Variants in RGS12 observed in about 807,000 individuals in gnomAD.
The protein encoded by RGS12 is regulator of G protein signaling 12, also known as regulator of G-protein signaling 12.
A neutral mutation model predicts 120.1 loss-of-function variants in RGS12; 66 were observed. The ratio of observed to expected loss-of-function variants is 0.55; its 90% CI spans 0.45 to 0.67. The LOEUF (loss-of-function observed/expected upper bound fraction) is 0.67. Ranked by LOEUF, RGS12 falls within the 30% of genes least tolerant of loss-of-function variation. RGS12 has a pLI of 0.00. For missense variants in RGS12, 1,859 were observed against 1,957.7 expected (o/e 0.95, Z 0.95); for synonymous variants, 827 against 804.7 (o/e 1.03, Z -0.47).
chr4:3,423,013 C>T, intron 12 of RGS12, 35 bp downstream of exon 12: 2 of 1,574,800 alleles, frequency 1.3e-6, no homozygotes, highest in Admixed American at 3.3e-5. Flanking sequence ...ACCTGAGGCT[C>T]CCAGAGCCAA....
rs1448555629 is a variant in RGS12 at position 3,372,694 on chromosome 4, A to C, written c.1999-13722A>C. On this transcript the variant is annotated intron_variant, in intron 3 of 17. Transcript: ENST00000336727. This position sits in a 1 kb window ranked among gnomAD's most constrained non-coding sequence, Gnocchi z 4.3. ...GAGAAGAAGTTCTGCAGTGTCAGAC[A>C]CTTGGCAGAAACTTTGTTTCTCAAG... Among the ~76,000 whole-genome samples, 1 of 152,202 alleles carries C rather than the reference A, an allele frequency of 6.6e-6. No individual in the cohort carries two copies. Among genetic ancestry groups the C allele is most frequent in the South Asian group, 2.1e-4 (1 of 4,832 alleles).
At chr4:3,388,169 G>A (rs542443383) in intron 4 of RGS12, among the ~76,000 whole-genome samples, 51 of 151,528 alleles carry the variant, frequency 3.4e-4, no homozygotes, top group African/African-American at 9.9e-4. Flanking sequence ...GGACAGGCCC[G>A]TCCCTCCATG....
At chr4:3,397,430 C>G (rs1308925530) in intron 4 of RGS12, among the ~76,000 whole-genome samples, 1 of 152,172 alleles carries the variant, frequency 6.6e-6, no homozygotes, top group African/African-American at 2.4e-5. Flanking sequence ...ACAGGAAGAA[C>G]CAGGAAAAAG....
intron 1 of RGS12, among the ~76,000 whole-genome samples, chr4:3,295,180 C>T (rs888014403): frequency 6.6e-6 from 1 of 152,016 alleles, no homozygotes. Flanking sequence ...AGCTGGTGAC[C>T]CAGCCGGCCT....
At chr4:3,343,142 T>C in intron 3 of RGS12, 89 bp downstream of exon 3, 1 of 862,888 alleles carries the variant, frequency 1.2e-6, no homozygotes, top group Non-Finnish European at 1.9e-6. Flanking sequence ...GTTTTTTGAG[T>C]CCCTGTGGTC....
intron 1 of RGS12, chr4:3,313,023 G>T (rs983039646): frequency 6.6e-6 from 1 of 152,230 alleles, no homozygotes; most frequent in African/African-American, 2.4e-5. Flanking sequence ...CTGCACTCCA[G>T]TCTGGGCAAT....
chr4:3,428,806 G>A, intron 16 of RGS12, 95 bp downstream of exon 16: 1 of 1,097,516 alleles, frequency 9.1e-7, no homozygotes, highest in Non-Finnish European at 1.3e-6. Flanking sequence ...CAGCATCTGG[G>A]TGACTGCGGT....
intron 14 of RGS12, among the ~76,000 whole-genome samples, chr4:3,425,777 A>G (rs1184791267): frequency 1.1e-4 from 2 of 17,540 alleles, no homozygotes; most frequent in East Asian, 1.5e-3. Context: ...CATAGGGGAG[A>G]GGGTGAGCGG....
chr4:3,415,527 T>C (rs2109112934), intron 6 of RGS12, among the ~76,000 whole-genome samples: 1 of 152,294 alleles, frequency 6.6e-6, no homozygotes. Flanking sequence ...CTCCTGCGCC[T>C]CGTGGGAGGT....
chr4:3,305,618 G>A (rs1723934927), intron 1 of RGS12, among the ~76,000 whole-genome samples: 5 of 152,162 alleles, frequency 3.3e-5, no homozygotes, highest in Admixed American at 3.3e-4. Context: ...TCAAAATGAG[G>A]GAAAATGGAG....
intron 4 of RGS12, among the ~76,000 whole-genome samples, chr4:3,391,395 GCAAA>G: frequency 6.6e-6 from 1 of 152,130 alleles, no homozygotes; most frequent in Non-Finnish European, 1.5e-5. Context: ...ATTTTTTCAA[GCAAA>G]CAAATTCAAA....
chr4:3,414,492 C>T (rs1364537344), intron 5 of RGS12: 17 of 597,324 alleles, frequency 2.8e-5, no homozygotes, highest in Middle Eastern at 4.4e-4. Context: ...CTCTGCAGCC[C>T]GCAGCACTGG....
At chr4:3,427,580 AC>A (rs1343068245) in intron 14 of RGS12, among the ~76,000 whole-genome samples, 1 of 152,192 alleles carries the variant, frequency 6.6e-6, no homozygotes, top group Admixed American at 6.5e-5. Flanking sequence ...TACTAAAAAT[AC>A]AAAAATTAGC....
At position 3,431,308 on chromosome 4, in the gene RGS12, C is replaced by T. The variant is rs557384454; in HGVS notation, c.4114+353C>T. On this transcript the variant is annotated intron_variant, in intron 17 of 17. Coordinates refer to ENST00000336727, the MANE Select transcript of RGS12 (RefSeq NM_001394154.1). The stretch of plus-strand genomic sequence containing the variant: ...GGAGGCATTCCTTTCCAAATCTGGA[C>T]AGCGATCGTTTTTAGTGTTTCTGTC... The T allele has an allele frequency of 2.7e-6, 3 of 1,128,756 alleles. No homozygotes were observed. In the African/African-American group the frequency reaches 4.9e-5, roughly 19 times the overall value. The allele number at this position is 1,128,756 out of a possible 1,614,324, so 69.9% of individuals were successfully genotyped here. A position where few individuals can be genotyped will look rare whatever the true frequency, so the allele number is the denominator to read the frequency against.
intron 1 of RGS12, chr4:3,312,747 A>G (rs1275805492): frequency 1.4e-5 from 3 of 216,310 alleles, no homozygotes; most frequent in Non-Finnish European, 3.2e-5. Flanking sequence ...ACTGGGATGA[A>G]TGTGGAGATG....
intron 1 of RGS12, among the ~76,000 whole-genome samples, chr4:3,302,557 C>A (rs1444295765): frequency 6.6e-6 from 1 of 152,194 alleles, no homozygotes; most frequent in African/African-American, 2.4e-5. Flanking sequence ...TGGTGGGCTC[C>A]GCTCCCCCTG....
At chr4:3,367,455 G>T (rs1716434318) in intron 3 of RGS12, among the ~76,000 whole-genome samples, 1 of 152,246 alleles carries the variant, frequency 6.6e-6, no homozygotes, top group Admixed American at 6.5e-5. Context: ...GGCTGTGCTG[G>T]GCTTCCCGGG....
intron 1 of RGS12, among the ~76,000 whole-genome samples, chr4:3,295,311 A>C (rs114639987): frequency 2.0e-4 from 30 of 152,282 alleles, no homozygotes; most frequent in African/African-American, 7.2e-4. Flanking sequence ...GGTTGACAGT[A>C]TGTGGATCAC....
At chr4:3,294,584 G>C (rs951119667) in intron 1 of RGS12, among the ~76,000 whole-genome samples, 2 of 152,236 alleles carry the variant, frequency 1.3e-5, no homozygotes, top group Non-Finnish European at 2.9e-5. Flanking sequence ...TCAGCTGGAT[G>C]CTCTGCAGGT....
Sources: allele counts gnomAD v4.1 joint callset (sites outside exome capture counted in the v4.1 genomes callset), GRCh38; gene constraint gnomAD v4.1.1; non-coding constraint Gnocchi (gnomAD v3.1); transcripts MANE v1.5; gene names NCBI Gene and HGNC (gene_info 2026-07-23, HGNC 2026-07-21).